Variants in FAM185A observed in about 807,000 individuals in gnomAD.
FAM185A encodes family with sequence similarity 185 member A.
Under a neutral mutation model 45.7 loss-of-function variants are expected in FAM185A, and 21 were observed. The ratio of observed to expected loss-of-function variants is 0.46; its 90% CI spans 0.33 to 0.66. The LOEUF (loss-of-function observed/expected upper bound fraction) is 0.66, where lower values mean the gene tolerates loss of function less well. Among genes scored for constraint, FAM185A ranks in the 30% least tolerant of loss-of-function variants. The pLI, the probability that FAM185A is intolerant of heterozygous loss-of-function variation, is 0.03. For missense variants in FAM185A, 305 were observed against 485.4 expected, an observed-to-expected ratio of 0.63 and a Z score of 3.49; for synonymous variants, 117 against 194.0, an observed-to-expected ratio of 0.60 and a Z score of 3.30.
chr7:102,794,708 C>T (rs569068480), intron 7 of FAM185A, among the ~76,000 whole-genome samples: 4 of 152,304 alleles, frequency 2.6e-5, no homozygotes, highest in African/African-American at 9.6e-5. Context: ...AAAACCTGTA[C>T]ACAAATGTTC....
intron 6 of FAM185A, among the ~76,000 whole-genome samples, chr7:102,782,240 A>G (rs1795458129): frequency 6.6e-6 from 1 of 152,266 alleles, no homozygotes; most frequent in South Asian, 2.1e-4. Context: ...GATATTATCC[A>G]GGAGAACTTC....
At chr7:102,781,465 C>T (rs1237081961) in intron 6 of FAM185A, among the ~76,000 whole-genome samples, 2 of 152,196 alleles carry the variant, frequency 1.3e-5, no homozygotes, top group Admixed American at 1.3e-4. Flanking sequence ...GACAAAACTT[C>T]CAGAGTAATG....
At chr7:102,779,160 A>AT (rs1186198802) in intron 6 of FAM185A, among the ~76,000 whole-genome samples, 1 of 152,170 alleles carries the variant, frequency 6.6e-6, no homozygotes, top group East Asian at 1.9e-4. Context: ...TCACATTTGA[A>AT]TTTTTAAGAG....
Position 102,800,582 on chromosome 7 carries a change from T to C in FAM185A, c.1067-7708T>C, listed in dbSNP as rs370389193. Among the ~76,000 whole-genome samples the C allele has an allele frequency of 8.5e-5, 13 of 152,232 alleles. No homozygotes were observed. In the East Asian group the frequency reaches 1.4e-3, roughly 16 times the overall value. On this transcript the variant is annotated intron_variant, in intron 7 of 7. Coordinates refer to ENST00000413034, the MANE Select transcript of FAM185A (RefSeq NM_001145268.2). The stretch of plus-strand genomic sequence containing the variant: ...AAACTTCAGGAAACAGACACACTTA[T>C]AGAAATGCAAAATGCTCTGGAAAGT...
chr7:102,775,101 T>C (rs1190117742), intron 5 of FAM185A, among the ~76,000 whole-genome samples: 23 of 152,222 alleles, frequency 1.5e-4, no homozygotes, highest in Admixed American at 1.3e-3. Context: ...TGATTTGATA[T>C]ACATATATAC....
chr7:102,812,140 G>A (rs149151034), downstream of FAM185A, among the ~76,000 whole-genome samples: 2 of 152,134 alleles, frequency 1.3e-5, no homozygotes, highest in East Asian at 1.9e-4. Context: ...GCTTGTTTGC[G>A]GCAGTCAGAA....
intron 7 of FAM185A, among the ~76,000 whole-genome samples, chr7:102,806,356 T>C (rs1292322530): frequency 6.6e-6 from 1 of 152,120 alleles, no homozygotes; most frequent in African/African-American, 2.4e-5. Flanking sequence ...GGCTAATTTT[T>C]GTATTTTTAG....
the FAM185A span, among the ~76,000 whole-genome samples, chr7:102,846,418 GA>G: frequency 6.6e-6 from 1 of 152,086 alleles, no homozygotes; most frequent in Non-Finnish European, 1.5e-5. Context: ...AGGGGTTCAA[GA>G]CCAGCCTCAG....
At chr7:102,827,942 A>G in the FAM185A span, among the ~76,000 whole-genome samples, 1 of 152,036 alleles carries the variant, frequency 6.6e-6, no homozygotes, top group Admixed American at 6.6e-5. Context: ...ATTGGTCTAT[A>G]TCTCTGTTTT....
At chr7:102,825,394 G>A in the FAM185A span, among the ~76,000 whole-genome samples, 257 of 152,264 alleles carry the variant, frequency 1.7e-3, no homozygotes, top group African/African-American at 6.0e-3. Flanking sequence ...CCCTTGCCAT[G>A]CGATTCCCTG....
intron 7 of FAM185A, among the ~76,000 whole-genome samples, chr7:102,805,689 A>T (rs1461547826): frequency 6.6e-6 from 1 of 152,142 alleles, no homozygotes; most frequent in Non-Finnish European, 1.5e-5. Flanking sequence ...GAAAAAAATT[A>T]AAAATAAATA....
At chr7:102,817,580 A>G in the FAM185A span, among the ~76,000 whole-genome samples, 1 of 152,192 alleles carries the variant, frequency 6.6e-6, no homozygotes, top group Non-Finnish European at 1.5e-5. Context: ...TTTGCTGTGC[A>G]GAAGCTCTTA....
the FAM185A span, among the ~76,000 whole-genome samples, chr7:102,819,658 G>A: frequency 6.6e-6 from 1 of 152,118 alleles, no homozygotes; most frequent in Non-Finnish European, 1.5e-5. Context: ...GCATTGCTTT[G>A]TGATTCAAAG....
chr7:102,795,604 G>C (rs1225735684), intron 7 of FAM185A, among the ~76,000 whole-genome samples: 1 of 152,244 alleles, frequency 6.6e-6, no homozygotes, highest in Non-Finnish European at 1.5e-5. Context: ...AGATCAAGAT[G>C]AGAGTCGATA....
At chr7:102,793,171 C>A (rs906663957) in intron 7 of FAM185A, among the ~76,000 whole-genome samples, 3 of 151,530 alleles carry the variant, frequency 2.0e-5, no homozygotes, top group Non-Finnish European at 4.4e-5. Flanking sequence ...AATGTAGGAA[C>A]TGTTTTCACG....
At chr7:102,750,018 C>T (rs1202194848) in intron 1 of FAM185A, among the ~76,000 whole-genome samples, 3 of 152,182 alleles carry the variant, frequency 2.0e-5, no homozygotes, top group Non-Finnish European at 2.9e-5. Flanking sequence ...GGCAGTCCAT[C>T]TACATTTCAT....
intron 3 of FAM185A, among the ~76,000 whole-genome samples, chr7:102,759,019 C>G (rs1793947715): frequency 6.6e-6 from 1 of 152,096 alleles, no homozygotes; most frequent in Non-Finnish European, 1.5e-5. Flanking sequence ...TAAACCTAAA[C>G]ATTTAAAAAT....
At chr7:102,833,094 C>T in the FAM185A span, 2 of 1,018,598 alleles carry the variant, frequency 2.0e-6, no homozygotes, top group Admixed American at 2.9e-5. Context: ...GATCTTGATG[C>T]CCCCAAAAAA....
At chr7:102,765,404 G>A (rs1794327624) in intron 4 of FAM185A, among the ~76,000 whole-genome samples, 1 of 152,116 alleles carries the variant, frequency 6.6e-6, no homozygotes, top group Non-Finnish European at 1.5e-5. Flanking sequence ...TGATGGTGCT[G>A]TCTTAAGTGT....
Sources: allele counts gnomAD v4.1 joint callset (sites outside exome capture counted in the v4.1 genomes callset), GRCh38; gene constraint gnomAD v4.1.1; transcripts MANE v1.5; gene names NCBI Gene and HGNC (gene_info 2026-07-23, HGNC 2026-07-21).